Variants in DLG1 observed in about 807,000 individuals in gnomAD.
DLG1 encodes discs large MAGUK scaffold protein 1, also known as disks large homolog 1.
DLG1 carries 42 observed loss-of-function variants against 123.4 expected under a neutral mutation model. The observed-to-expected ratio is 0.34, with a 90% CI of 0.27 to 0.44. DLG1 has a LOEUF of 0.44. DLG1 is among the 20% of genes least tolerant of loss of function. DLG1 has a pLI of 1.00. For missense variants in DLG1, 942 were observed against 1,082.6 expected (o/e 0.87, Z 1.82); for synonymous variants, 317 against 356.2 (o/e 0.89, Z 1.24).
chr3:197,222,197 G>A (rs1477008264), intron 4 of DLG1, among the ~76,000 whole-genome samples: 1 of 152,138 alleles, frequency 6.6e-6, no homozygotes, highest in Non-Finnish European at 1.5e-5. Flanking sequence ...TTACTACTAG[G>A]AGAGTCCGTG....
chr3:197,052,363 G>A (rs1728456290), intron 23 of DLG1, among the ~76,000 whole-genome samples: 1 of 152,100 alleles, frequency 6.6e-6, no homozygotes, highest in African/African-American at 2.4e-5. Flanking sequence ...GCTAAGGCAG[G>A]AGAATCGCTT....
At chr3:197,266,488 T>C (rs1192698890) in intron 4 of DLG1, among the ~76,000 whole-genome samples, 2 of 151,582 alleles carry the variant, frequency 1.3e-5, no homozygotes, top group South Asian at 2.1e-4. Context: ...GGTATACATG[T>C]GTAGCCCCAG....
chr3:197,272,516 T>A (rs1456589917), intron 4 of DLG1, among the ~76,000 whole-genome samples: 1 of 152,240 alleles, frequency 6.6e-6, no homozygotes, highest in Non-Finnish European at 1.5e-5. Context: ...AGTGTGGTGA[T>A]TTTTAGGAAA....
At chr3:197,161,624 AG>A (rs777358122) in intron 5 of DLG1, 4 of 1,369,470 alleles carry the variant, frequency 2.9e-6, no homozygotes, top group Non-Finnish European at 3.9e-6. Flanking sequence ...TAAAGAAAAA[AG>A]AAACTAATAA....
intron 4 of DLG1, among the ~76,000 whole-genome samples, chr3:197,277,111 C>T (rs910908966): frequency 2.6e-5 from 4 of 151,580 alleles, no homozygotes; most frequent in African/African-American, 7.3e-5. Context: ...AGGCTGGTTT[C>T]GAACTTCTGA....
chr3:197,189,393 C>A (rs1200727060), intron 5 of DLG1, among the ~76,000 whole-genome samples: 1 of 152,022 alleles, frequency 6.6e-6, no homozygotes, highest in Non-Finnish European at 1.5e-5. Context: ...ATATGTTTAA[C>A]AAGTTTACAA....
At chr3:197,185,732 G>T (rs1246434288) in intron 5 of DLG1, among the ~76,000 whole-genome samples, 1 of 152,164 alleles carries the variant, frequency 6.6e-6, no homozygotes, top group Non-Finnish European at 1.5e-5. Context: ...AAACTTCAAG[G>T]GGAGGAGAAA....
chr3:197,166,760 G>A (rs1012861577), intron 5 of DLG1, among the ~76,000 whole-genome samples: 8 of 151,954 alleles, frequency 5.3e-5, no homozygotes, highest in African/African-American at 1.5e-4. Flanking sequence ...ACATGGTGGC[G>A]GGCACCTGTA....
At chr3:197,116,424 C>A (rs1465844609) in intron 12 of DLG1, among the ~76,000 whole-genome samples, 1 of 152,130 alleles carries the variant, frequency 6.6e-6, no homozygotes, top group Non-Finnish European at 1.5e-5. Flanking sequence ...GCCTTCAAAG[C>A]AATCACTGCC....
intron 4 of DLG1, among the ~76,000 whole-genome samples, chr3:197,210,708 C>T (rs1730877376): frequency 7.0e-6 from 1 of 142,520 alleles, no homozygotes. Flanking sequence ...AAATTCTTCC[C>T]ACTGAGAAAA....
At chr3:197,240,253 G>A (rs1052651205) in intron 4 of DLG1, among the ~76,000 whole-genome samples, 1 of 152,172 alleles carries the variant, frequency 6.6e-6, no homozygotes, top group Non-Finnish European at 1.5e-5. Flanking sequence ...CCCCTGGGCA[G>A]GAACTCCTAG....
intron 5 of DLG1, among the ~76,000 whole-genome samples, chr3:197,164,700 G>A (rs1039610345): frequency 3.4e-5 from 5 of 147,348 alleles, no homozygotes; most frequent in South Asian, 4.3e-4. Context: ...TTAGGAGTTC[G>A]AGACCAGCCT....
At chr3:197,057,227 G>A (rs952374156) in intron 23 of DLG1, among the ~76,000 whole-genome samples, 1 of 152,048 alleles carries the variant, frequency 6.6e-6, no homozygotes, top group African/African-American at 2.4e-5. Context: ...TTACAGGAAT[G>A]CACCACCACA....
intron 3 of DLG1, among the ~76,000 whole-genome samples, chr3:197,283,674 G>C (rs983135212): frequency 6.6e-6 from 1 of 152,068 alleles, no homozygotes; most frequent in Admixed American, 6.5e-5. Flanking sequence ...TCACCAACTT[G>C]TATAATTTTG....
At chr3:197,283,579 CTTA>C (rs1042256431) in intron 3 of DLG1, among the ~76,000 whole-genome samples, 4 of 152,120 alleles carry the variant, frequency 2.6e-5, no homozygotes, top group Admixed American at 6.5e-5. Context: ...ATTATAAAAA[CTTA>C]TTAACACTAA....
intron 10 of DLG1, among the ~76,000 whole-genome samples, chr3:197,131,920 TTTTTC>T (rs1782825227): frequency 6.7e-6 from 1 of 150,266 alleles, no homozygotes; most frequent in African/African-American, 2.5e-5. Context: ...TCTGATTTTC[TTTTTC>T]TTTTTCTTTT....
chr3:197,139,090 T>C (rs1576956253), intron 8 of DLG1, among the ~76,000 whole-genome samples: 2 of 152,214 alleles, frequency 1.3e-5, no homozygotes, highest in East Asian at 3.8e-4. Flanking sequence ...GTAAAGAACT[T>C]ATAATTTGCC....
intron 24 of DLG1, among the ~76,000 whole-genome samples, chr3:197,047,714 T>A (rs1468287125): frequency 1.3e-5 from 2 of 151,752 alleles, no homozygotes; most frequent in African/African-American, 4.8e-5. Flanking sequence ...TGCTGGAAAA[T>A]CTGGATATCC....
At chr3:197,066,671 G>T in intron 20 of DLG1, 33 bp downstream of exon 20, 1 of 1,505,684 alleles carries the variant, frequency 6.6e-7, no homozygotes, top group Non-Finnish European at 9.1e-7. Flanking sequence ...TATTCTTCTA[G>T]AAGGTTATAA....
Sources: allele counts gnomAD v4.1 joint callset (sites outside exome capture counted in the v4.1 genomes callset), GRCh38; gene constraint gnomAD v4.1.1; transcripts MANE v1.5; gene names NCBI Gene and HGNC (gene_info 2026-07-23, HGNC 2026-07-21).